Variants in GPR155 observed in about 807,000 individuals in gnomAD.
GPR155 encodes the protein lysosomal cholesterol signaling protein.
Under a neutral mutation model 93.1 loss-of-function variants are expected in GPR155, and 65 were observed. The observed-to-expected ratio is 0.70, with a 90% CI of 0.57 to 0.86. GPR155 has a LOEUF of 0.86. Among genes scored for constraint, GPR155 ranks in the 40% least tolerant of loss-of-function variants. The pLI is 0.00. For synonymous variants in GPR155, 319 were observed against 360.1 expected, an observed-to-expected ratio of 0.89 and a Z score of 1.29; for missense variants, 838 against 1,034.8, an observed-to-expected ratio of 0.81 and a Z score of 2.61.
In GPR155 at chr2:174,436,165, T is replaced by C; in HGVS notation, c.2564A>G (p.Tyr855Cys). The C allele has an allele frequency of 6.2e-7, 1 of 1,614,056 alleles. No individual in the cohort carries two copies. The highest frequency in any genetic ancestry group is 8.5e-7 in the Non-Finnish European group (1 of 1,179,900). The change falls in exon 16 of 16, where the codon TAT becomes TGT. Residue 855 changes from tyrosine (Y) to cysteine (C), a missense_variant. Around this residue, in one of 3 missense-constraint regions of GPR155, gnomAD observed 146 missense variants for 177.5 expected, o/e 0.82. Transcript: ENST00000392552. ...INANTLQQER[Y>C]KEIEHSSPPS... ...TGGGGATGAATGCTCAATTTCTTTA[T>C]ATCTTTCCTGTTGGAGAGTGTTTGC...
In GPR155 at chr2:174,432,060, T is replaced by C. The variant is rs1686657817; in HGVS notation, c.*4056A>G. On this transcript the variant is annotated 3_prime_UTR_variant, in exon 16 of 16. Coordinates refer to ENST00000392552, the MANE Select transcript of GPR155 (RefSeq NM_152529.7). ...GTATGAAAAGGACTCAATGTCATAT[T>C]GACTCATTCATAAAAGTGTTTATAG... The C allele has an allele frequency of 1.3e-5, 2 of 152,308 alleles. No individual in the cohort carries two copies. Among genetic ancestry groups the C allele is most frequent in the East Asian group, 1.9e-4 (1 of 5,200 alleles). The allele number at this position is 152,308 out of a possible 1,614,324, so 9.4% of individuals were successfully genotyped here. A position where few individuals can be genotyped will look rare whatever the true frequency, so the allele number is the denominator to read the frequency against.
At chr2:174,475,156 G>T (rs1688122068) in intron 2 of GPR155, among the ~76,000 whole-genome samples, 1 of 149,724 alleles carries the variant, frequency 6.7e-6, no homozygotes, top group African/African-American at 2.4e-5. Flanking sequence ...TTAGCCGGGC[G>T]TAGTGGCGGG....
At chr2:174,459,828 G>C in intron 10 of GPR155, 50 bp downstream of exon 10, 1 of 1,385,012 alleles carries the variant, frequency 7.2e-7, no homozygotes, top group Non-Finnish European at 1.0e-6. Context: ...CGGGATGATA[G>C]AGCAAGATTC....
At chr2:174,462,189 C>T (rs1178011090) in intron 7 of GPR155, among the ~76,000 whole-genome samples, 1 of 152,152 alleles carries the variant, frequency 6.6e-6, no homozygotes, top group Non-Finnish European at 1.5e-5. Context: ...CCTCCCACTT[C>T]TGCCTCCCAA....
intron 15 of GPR155, among the ~76,000 whole-genome samples, chr2:174,437,347 T>A (rs1686814996): frequency 1.3e-5 from 2 of 152,142 alleles, no homozygotes; most frequent in African/African-American, 4.8e-5. Context: ...TCACCATAAA[T>A]GAATATTCAT....
rs1212540814 is a variant in GPR155 at position 174,453,729 on chromosome 2, G to A, written c.1876+8C>T. 6.9e-7 allele frequency: 1 copy of A among 1,455,686 alleles called. No homozygotes were observed. The highest frequency in any genetic ancestry group is 9.7e-7 in the Non-Finnish European group (1 of 1,035,424). 90.2% of individuals were successfully genotyped at this position (1,455,686 alleles called of 1,614,324 possible). ...TTAATCCCATCCTCATAGTCCAGAG[G>A]CACTTACTTTTCTCAAACGAAGGAA... is the stretch of plus-strand genomic sequence containing the variant. On this transcript the variant is annotated splice_region_variant and intron_variant, in intron 11 of 15. Coordinates refer to ENST00000392552, the MANE Select transcript of GPR155 (RefSeq NM_152529.7).
At chr2:174,454,003 T>A (rs543023142) in intron 10 of GPR155, among the ~76,000 whole-genome samples, 162 bp from the exon 11 acceptor site, 1 of 152,340 alleles carries the variant, frequency 6.6e-6, no homozygotes, top group African/African-American at 2.4e-5. Context: ...TCAAATGTTC[T>A]CACTCATATA....
rs1168365548 is a variant in GPR155, at chr2:174,461,680, T to C, written c.1385-8A>G. ...AAGAAATTGCTAGAAGGCCTAAGAA[T>C]AAGAAGATTGAAAGAGAGACAGTTA... On this transcript the variant is annotated splice_region_variant and splice_polypyrimidine_tract_variant and intron_variant, in intron 7 of 15. Transcript: ENST00000392552. The C allele has an allele frequency of 2.0e-6, 3 of 1,482,682 alleles. No individual in the cohort carries two copies. The highest frequency in any genetic ancestry group is 2.8e-6 in the Non-Finnish European group (3 of 1,061,596). The allele number at this position is 1,482,682 out of a possible 1,614,324, so 91.8% of individuals were successfully genotyped here.
intron 15 of GPR155, among the ~76,000 whole-genome samples, chr2:174,439,334 T>G (rs552830852): frequency 2.6e-5 from 4 of 152,292 alleles, no homozygotes; most frequent in Admixed American, 2.6e-4. Flanking sequence ...TATACTTCGT[T>G]TATAAAAAAA....
At chr2:174,453,698 T>C (rs1574709120) in intron 11 of GPR155, 39 bp downstream of exon 11, 2 of 941,058 alleles carry the variant, frequency 2.1e-6, no homozygotes, top group South Asian at 1.3e-5. Flanking sequence ...AGGAATCTTC[T>C]GTCCCTTAAT....
intron 1 of GPR155, among the ~76,000 whole-genome samples, chr2:174,482,520 T>C (rs1050981925): frequency 6.6e-6 from 1 of 152,186 alleles, no homozygotes; most frequent in Non-Finnish European, 1.5e-5. Flanking sequence ...AAGAAGGGTA[T>C]AGTAGAGCAC....
intron 11 of GPR155, among the ~76,000 whole-genome samples, chr2:174,450,348 G>A (rs1360505792): frequency 6.6e-6 from 1 of 151,980 alleles, no homozygotes; most frequent in Non-Finnish European, 1.5e-5. Flanking sequence ...AGAGGGCAAG[G>A]GCTAAAAAAC....
chr2:174,485,822 T>C (rs778316485), intron 1 of GPR155, among the ~76,000 whole-genome samples: 8 of 152,092 alleles, frequency 5.3e-5, no homozygotes, highest in South Asian at 2.1e-4. Flanking sequence ...AAAAAAAAAT[T>C]ACATCCAGCC....
chr2:174,473,106 T>A lies in GPR155; in HGVS notation c.719A>T (p.Tyr240Phe). Residue 240 changes from tyrosine (Y) to phenylalanine (F), a missense_variant, in exon 3 of 16, where the codon TAT becomes TTT. Transcript: ENST00000392552. ...NFILDRKVPV[Y>F]VENFLDGLGN... ...AAGTCCATCAAGAAAATTTTCGACATATACAGGTACCTTTCGATCAAGAAT... is the reference window on the plus strand; with the variant it reads ...AAGTCCATCAAGAAAATTTTCGACAAATACAGGTACCTTTCGATCAAGAAT... 6.2e-7 allele frequency: 1 copy of A among 1,606,500 alleles called. No individual in the cohort carries two copies. The highest frequency in any genetic ancestry group is 8.5e-7 in the Non-Finnish European group (1 of 1,178,412).
rs1687826222 is a variant in GPR155, at chr2:174,465,907, G to A, written c.1267-5C>T. 1 of 1,337,112 alleles carries A rather than the reference G, an allele frequency of 7.5e-7. No individual in the cohort carries two copies. Among genetic ancestry groups the A allele is most frequent in the Admixed American group, 1.8e-5 (1 of 54,796 alleles). 82.8% of individuals were successfully genotyped at this position (1,337,112 alleles called of 1,614,324 possible). A position where few individuals can be genotyped will look rare whatever the true frequency, so the allele number is the denominator to read the frequency against. On this transcript the variant is annotated splice_region_variant and splice_polypyrimidine_tract_variant and intron_variant, in intron 6 of 15. Transcript: ENST00000392552. ...CATTCCAGCACAGACAATAGACTAAGGAAAAAATTATTAAAAGACTTTGTA... is the reference window on the plus strand; with the variant it reads ...CATTCCAGCACAGACAATAGACTAAAGAAAAAATTATTAAAAGACTTTGTA...
intron 13 of GPR155, among the ~76,000 whole-genome samples, chr2:174,444,807 T>C (rs1234662614): frequency 2.0e-5 from 3 of 152,096 alleles, no homozygotes; most frequent in Admixed American, 2.0e-4. Context: ...CAATGTGACT[T>C]ATTAAGATCA....
chr2:174,450,275 A>G (rs1024256648), intron 11 of GPR155, among the ~76,000 whole-genome samples: 3 of 152,204 alleles, frequency 2.0e-5, no homozygotes, highest in Non-Finnish European at 4.4e-5. Context: ...TAAACATCAG[A>G]TACTCATGGA....
At chr2:174,485,811 A>T (rs887505924) in intron 1 of GPR155, among the ~76,000 whole-genome samples, 12 of 107,074 alleles carry the variant, frequency 1.1e-4, no homozygotes, top group Non-Finnish European at 1.5e-4. Flanking sequence ...GGGAAGTTTT[A>T]AAAAAAAAAT....
intron 12 of GPR155, among the ~76,000 whole-genome samples, chr2:174,445,952 T>C (rs2105677472): frequency 6.6e-6 from 1 of 152,080 alleles, no homozygotes; most frequent in Admixed American, 6.6e-5. Flanking sequence ...AATGTAGGCA[T>C]TTATCCACTT....
Sources: gnomAD v4.1 joint callset for allele counts (sites outside exome capture counted in the v4.1 genomes callset) on GRCh38, gnomAD v4.1.1 for gene constraint, gnomAD v4.1.1 regional missense constraint, MANE v1.5 for transcripts, NCBI Gene and HGNC (gene_info 2026-07-23, HGNC 2026-07-21) for gene names.